ZNF654: variants seen among roughly 807,000 people sequenced by gnomAD.
ZNF654 encodes melanoma-associated antigen.
In ZNF654, 19 loss-of-function variants were observed where a neutral mutation model predicts 95.3. The ratio of observed to expected loss-of-function variants is 0.20; its 90% CI spans 0.14 to 0.29. The LOEUF (loss-of-function observed/expected upper bound fraction) is 0.29, where lower values mean the gene tolerates loss of function less well. Among genes scored for constraint, ZNF654 ranks in the 10% least tolerant of loss-of-function variants. ZNF654 has a pLI of 1.00. For synonymous variants in ZNF654, 413 were observed against 457.9 expected (o/e 0.90, Z 1.25); for missense variants, 1,046 against 1,341.0 (o/e 0.78, Z 3.44).
intron 2 of ZNF654, among the ~76,000 whole-genome samples, chr3:88,089,459 C>A (rs149100297): frequency 1.1e-3 from 159 of 149,808 alleles, no homozygotes; most frequent in African/African-American, 3.6e-3. Flanking sequence ...CCATTGCACT[C>A]TAGCCTGGGC....
At chr3:88,121,773 T>C (rs1383340931) in intron 3 of ZNF654, among the ~76,000 whole-genome samples, 2 of 152,198 alleles carry the variant, frequency 1.3e-5, no homozygotes, top group Non-Finnish European at 2.9e-5. Context: ...ATATTAACCA[T>C]ATTGAAGACC....
Position 88,142,606 on chromosome 3 carries a change from C to G in ZNF654, c.*954C>G, listed in dbSNP as rs1356255826. On this transcript the variant is annotated 3_prime_UTR_variant, in exon 9 of 9. Coordinates refer to ENST00000636215, the MANE Select transcript of ZNF654 (RefSeq NM_001350134.2). ...TCCTTTAGACATTAATGTGAGTTAT[C>G]TAAGTACAGTCCTATTAAAATAACT... 21 of 152,440 alleles carry G rather than the reference C, an allele frequency of 1.4e-4. No individual in the cohort carries two copies. In the East Asian group the frequency reaches 3.7e-3, roughly 27 times the overall value. 9.4% of individuals were successfully genotyped at this position (152,440 alleles called of 1,614,324 possible).
Position 88,139,299 on chromosome 3 carries a change from A to C in ZNF654, c.1630A>C (p.Arg544=). Residue 544 remains arginine, a synonymous_variant, in exon 8 of 9, where the codon AGG becomes CGG. Coordinates refer to ENST00000636215, the MANE Select transcript of ZNF654 (RefSeq NM_001350134.2). The part of the protein sequence containing the change: ...STSKVDHNVP[R]HRCMLCNKEF... ...TTCCAAAGTAGATCACAATGTCCCAAGGCATCGTTGTATGTTATGTAACAA... is the reference window on the plus strand; with the variant it reads ...TTCCAAAGTAGATCACAATGTCCCACGGCATCGTTGTATGTTATGTAACAA... 2 of 1,580,704 alleles carry C rather than the reference A, an allele frequency of 1.3e-6. No homozygotes were observed. Among genetic ancestry groups the C allele is most frequent in the Non-Finnish European group, 1.7e-6 (2 of 1,167,506 alleles).
At chr3:88,132,272 G>A (rs552862846) in intron 6 of ZNF654, among the ~76,000 whole-genome samples, 2 of 152,026 alleles carry the variant, frequency 1.3e-5, no homozygotes, top group South Asian at 2.1e-4. Context: ...GGTGACTGAC[G>A]TCATTATATA....
chr3:88,139,386 G>A lies in ZNF654; in HGVS notation c.1717G>A (p.Ala573Thr). 6.2e-7 allele frequency: 1 copy of A among 1,613,666 alleles called. No homozygotes were observed. Reference sequence around the variant, plus strand: ...GGCTCATCAGAAAAAAGGCAGTTTTGCATGTGTAATATGTGGTAGGAAATT... The same window carrying A: ...GGCTCATCAGAAAAAAGGCAGTTTTACATGTGTAATATGTGGTAGGAAATT... Reference protein sequence around the residue: ...AQAHQKKGSFACVICGRKFRN... With the variant: ...AQAHQKKGSFTCVICGRKFRN... Residue 573 changes from alanine to threonine, a missense_variant, in exon 8 of 9, where the codon GCA becomes ACA. By Grantham distance (58) the Ala-to-Thr change is moderately conservative. Transcript: ENST00000636215.
intron 1 of ZNF654, among the ~76,000 whole-genome samples, chr3:88,065,933 C>T (rs1707172864): frequency 6.6e-6 from 1 of 152,134 alleles, no homozygotes; most frequent in Non-Finnish European, 1.5e-5. Flanking sequence ...CGAGGTTTTA[C>T]CATGATCTGC....
At chr3:88,085,584 T>C (rs1708297829) in intron 1 of ZNF654, among the ~76,000 whole-genome samples, 1 of 152,214 alleles carries the variant, frequency 6.6e-6, no homozygotes, top group Non-Finnish European at 1.5e-5. Flanking sequence ...AACATAGCAA[T>C]TGATGTTTCT....
intron 3 of ZNF654, among the ~76,000 whole-genome samples, chr3:88,115,483 A>G (rs1052455310): frequency 2.0e-5 from 3 of 152,174 alleles, no homozygotes; most frequent in Non-Finnish European, 4.4e-5. Context: ...CACTGTTTTT[A>G]AGGTAGGCAG....
At chr3:88,126,320 C>A in intron 4 of ZNF654, 51 bp downstream of exon 4, 1 of 1,392,782 alleles carries the variant, frequency 7.2e-7, no homozygotes, top group South Asian at 1.7e-5. Context: ...AGCAAATACA[C>A]TTTCATTTAC....
chr3:88,070,373 C>T lies in ZNF654; in HGVS notation c.186+10868C>T, dbSNP rs73844849. The stretch of plus-strand genomic sequence containing the variant: ...TAAAAAATGATCTTTTCAGTGTCCA[C>T]GTAATGATTGAGGTAAAGTTTTATT... On this transcript the variant is annotated intron_variant, in intron 1 of 8. Transcript: ENST00000636215. Among the ~76,000 whole-genome samples the T allele has an allele frequency of 3.0e-3, 462 of 151,622 alleles. 3 individuals carry two copies. Among genetic ancestry groups the T allele is most frequent in the African/African-American group, 0.011 (443 of 41,380 alleles).
chr3:88,088,753 T>G lies in ZNF654; in HGVS notation c.332+2351T>G, dbSNP rs201056209. Among the ~76,000 whole-genome samples, 477 of 118,162 alleles carry G rather than the reference T, an allele frequency of 4.0e-3. 7 individuals carry two copies. The highest frequency in any genetic ancestry group is 0.011 in the African/African-American group (383 of 34,854). The allele number at this position is 118,162 out of a possible 152,430, so 77.5% of individuals were successfully genotyped here. A position where few individuals can be genotyped will look rare whatever the true frequency, so the allele number is the denominator to read the frequency against. On this transcript the variant is annotated intron_variant, in intron 2 of 8. Coordinates refer to ENST00000636215, the MANE Select transcript of ZNF654 (RefSeq NM_001350134.2). ...AAAAAAAAACCTTTATTTATGTATG[T>G]ATGTATGTATGGATGGATGGATGGA...
intron 2 of ZNF654, among the ~76,000 whole-genome samples, chr3:88,099,115 C>CTGAT (rs1364810301): frequency 6.6e-6 from 1 of 152,170 alleles, no homozygotes; most frequent in Non-Finnish European, 1.5e-5. Flanking sequence ...TCTCCTTAAG[C>CTGAT]TGATAGGCAA....
intron 2 of ZNF654, among the ~76,000 whole-genome samples, chr3:88,097,686 A>C (rs1704143944): frequency 6.6e-6 from 1 of 152,154 alleles, no homozygotes; most frequent in Non-Finnish European, 1.5e-5. Context: ...ACTCACTCAA[A>C]ACCGCTCAAC....
rs138407348 is a variant in ZNF654, at chr3:88,139,641, G to A, written c.1972G>A (p.Val658Met). The change falls in exon 8 of 9, where the codon GTG becomes ATG. Residue 658 changes from valine (V) to methionine (M), a missense_variant. Physicochemically the swap from Val to Met is conservative, Grantham distance 21. This residue lies in a region of ZNF654 where 495 missense variants were observed against 537.0 expected (regional missense o/e 0.92). Transcript: ENST00000636215. ...EGNKEVIPEH[V>M]AEFIEIPISV... Reference sequence around the variant, plus strand: ...AAACAAAGAAGTCATCCCTGAGCATGTGGCTGAATTCATTGAAATTCCCAT... The same window carrying A: ...AAACAAAGAAGTCATCCCTGAGCATATGGCTGAATTCATTGAAATTCCCAT... 394 of 1,612,924 alleles carry A rather than the reference G, an allele frequency of 2.4e-4. 6 individuals are homozygous for A. In the African/African-American group the frequency reaches 4.6e-3, roughly 19 times the overall value.
At chr3:88,109,778 A>G (rs534571550) in intron 2 of ZNF654, among the ~76,000 whole-genome samples, 1 of 152,286 alleles carries the variant, frequency 6.6e-6, no homozygotes, top group South Asian at 2.1e-4. Context: ...TTTTTTATAA[A>G]TGTATAAACT....
intron 6 of ZNF654, among the ~76,000 whole-genome samples, chr3:88,134,016 C>T (rs1173866468): frequency 1.3e-5 from 2 of 151,376 alleles, no homozygotes; most frequent in South Asian, 2.1e-4. Context: ...AATTGAAACA[C>T]CCAGGCATGA....
At chr3:88,133,318 C>T (rs1706575332) in intron 6 of ZNF654, among the ~76,000 whole-genome samples, 1 of 152,150 alleles carries the variant, frequency 6.6e-6, no homozygotes, top group Non-Finnish European at 1.5e-5. Flanking sequence ...ATTTAGGTCT[C>T]TCTTATTTCC....
intron 1 of ZNF654, among the ~76,000 whole-genome samples, chr3:88,062,145 A>G (rs1263936931): frequency 2.6e-5 from 4 of 152,182 alleles, no homozygotes; most frequent in Admixed American, 2.6e-4. Context: ...TAAATGCTTA[A>G]ATAAAACTGG....
intron 3 of ZNF654, among the ~76,000 whole-genome samples, chr3:88,125,067 T>C (rs1310815020): frequency 6.6e-6 from 1 of 151,918 alleles, no homozygotes; most frequent in Non-Finnish European, 1.5e-5. Context: ...TACAAAAAAT[T>C]AGCTGGGCAT....
Sources: gnomAD v4.1 joint callset for allele counts (sites outside exome capture counted in the v4.1 genomes callset) on GRCh38, gnomAD v4.1.1 for gene constraint, gnomAD v4.1.1 regional missense constraint, MANE v1.5 for transcripts, NCBI Gene and HGNC (gene_info 2026-07-23, HGNC 2026-07-21) for gene names.